Variants in ROR1 observed in about 807,000 individuals in gnomAD.
ROR1 encodes ROR family WNT receptor 1, also known as inactive tyrosine-protein kinase transmembrane receptor ROR1.
Under a neutral mutation model 78.8 loss-of-function variants are expected in ROR1, and 19 were observed. The observed-to-expected ratio is 0.24, with a 90% CI of 0.17 to 0.35. The LOEUF (loss-of-function observed/expected upper bound fraction) is 0.35, where lower values mean the gene tolerates loss of function less well. Ranked by LOEUF, ROR1 falls within the 10% of genes least tolerant of loss-of-function variation. The pLI, the probability that ROR1 is intolerant of heterozygous loss-of-function variation, is 1.00. For missense variants in ROR1, 917 were observed against 1,177.8 expected (o/e 0.78, Z 3.24); for synonymous variants, 386 against 433.6 (o/e 0.89, Z 1.36).
At chr1:64,101,638 A>T (rs1647548866) in intron 4 of ROR1, among the ~76,000 whole-genome samples, 1 of 151,708 alleles carries the variant, frequency 6.6e-6, no homozygotes, top group African/African-American at 2.4e-5. Flanking sequence ...TACATTCTTG[A>T]GGGGGAACCC....
intron 4 of ROR1, among the ~76,000 whole-genome samples, chr1:64,079,743 A>G (rs957114116): frequency 6.6e-6 from 1 of 152,096 alleles, no homozygotes; most frequent in Non-Finnish European, 1.5e-5. Flanking sequence ...CGGCCTCCCA[A>G]AGTGCTGGGA....
chr1:63,877,966 C>T (rs1416777913), intron 1 of ROR1, among the ~76,000 whole-genome samples: 1 of 152,160 alleles, frequency 6.6e-6, no homozygotes, highest in Non-Finnish European at 1.5e-5. Flanking sequence ...TTTTCTTAAC[C>T]TCAAGCCTGG....
chr1:63,795,758 G>T lies in ROR1; in HGVS notation c.91+21250G>T, dbSNP rs1347556813. ...ATGCAGGAACATAAAATATCTTGCC[G>T]CTACTGGAATAGCCTTATCTTCTGC... On this transcript the variant is annotated intron_variant, in intron 1 of 8. Transcript: ENST00000371079. 2.0e-5 allele frequency among the ~76,000 whole-genome samples: 3 copies of T among 152,238 alleles called. No individual in the cohort carries two copies. In the South Asian group the frequency reaches 6.2e-4, roughly 32 times the overall value.
At chr1:64,004,178 C>T (rs1438615242) in intron 1 of ROR1, among the ~76,000 whole-genome samples, 2 of 152,236 alleles carry the variant, frequency 1.3e-5, no homozygotes, top group Non-Finnish European at 1.5e-5. Flanking sequence ...AAGCCACTTC[C>T]CTACCAGGGG....
chr1:63,936,794 T>C (rs955948906), intron 1 of ROR1, among the ~76,000 whole-genome samples: 2 of 152,186 alleles, frequency 1.3e-5, no homozygotes, highest in South Asian at 4.1e-4. Flanking sequence ...TGAAGTTCTA[T>C]GTATAAGAGT....
intron 8 of ROR1, among the ~76,000 whole-genome samples, chr1:64,173,265 A>G (rs1650289899): frequency 6.6e-6 from 1 of 152,184 alleles, no homozygotes; most frequent in Non-Finnish European, 1.5e-5. Flanking sequence ...TTTAGTTTTC[A>G]GTAGCTCTAG....
intron 1 of ROR1, among the ~76,000 whole-genome samples, chr1:63,952,231 A>G (rs115455468): frequency 0.021 from 3,132 of 152,268 alleles, 54 homozygotes; most frequent in African/African-American, 0.045. Context: ...ATATGGGGGA[A>G]GAATACTCCA....
chr1:63,972,132 G>A (rs925370973), intron 1 of ROR1, among the ~76,000 whole-genome samples: 2 of 152,064 alleles, frequency 1.3e-5, no homozygotes, highest in East Asian at 1.9e-4. Flanking sequence ...CTATGCCTAC[G>A]TCTCATGCCT....
chr1:63,981,656 T>C (rs1484301966), intron 1 of ROR1, among the ~76,000 whole-genome samples: 1 of 152,106 alleles, frequency 6.6e-6, no homozygotes, highest in African/African-American at 2.4e-5. Context: ...TTGGCTGGGC[T>C]GGAAGGTTCA....
chr1:63,803,878 T>A (rs61765104), intron 1 of ROR1, among the ~76,000 whole-genome samples: 1,992 of 152,194 alleles, frequency 0.013, 22 homozygotes, highest in Non-Finnish European at 0.02. Flanking sequence ...TAAAAATAAA[T>A]GAACTGTCGA....
chr1:63,823,571 T>A (rs1041045333), intron 1 of ROR1, among the ~76,000 whole-genome samples: 15 of 151,596 alleles, frequency 9.9e-5, no homozygotes, highest in Non-Finnish European at 2.9e-5. Flanking sequence ...TGCCTCAGCT[T>A]CCTGAGTATC....
chr1:63,930,473 C>G (rs1365016134), intron 1 of ROR1, among the ~76,000 whole-genome samples: 1 of 152,158 alleles, frequency 6.6e-6, no homozygotes, highest in Non-Finnish European at 1.5e-5. Context: ...ATGAACCATC[C>G]TTGCATAAAA....
intron 1 of ROR1, among the ~76,000 whole-genome samples, chr1:63,873,461 G>A (rs547332421): frequency 4.1e-4 from 63 of 152,272 alleles, no homozygotes; most frequent in Non-Finnish European, 2.2e-4. Flanking sequence ...CCCAGAAGGA[G>A]TGAGCAGGCC....
chr1:63,848,348 A>G (rs1645094379), intron 1 of ROR1, among the ~76,000 whole-genome samples: 1 of 152,200 alleles, frequency 6.6e-6, no homozygotes, highest in South Asian at 2.1e-4. Flanking sequence ...AAGTGACTGC[A>G]ATAAGATCCT....
intron 1 of ROR1, among the ~76,000 whole-genome samples, chr1:63,786,783 G>A (rs759573521): frequency 1.6e-4 from 25 of 152,072 alleles, no homozygotes; most frequent in Non-Finnish European, 3.2e-4. Flanking sequence ...CAATTGATCT[G>A]AGTGCTGGTG....
chr1:63,875,889 G>T (rs1289812378), intron 1 of ROR1, among the ~76,000 whole-genome samples: 3 of 152,184 alleles, frequency 2.0e-5, no homozygotes, highest in Non-Finnish European at 4.4e-5. Context: ...GCAATCAGGT[G>T]AGTGACAAAG....
chr1:64,126,208 A>C (rs1648710887), intron 4 of ROR1, among the ~76,000 whole-genome samples: 1 of 152,158 alleles, frequency 6.6e-6, no homozygotes, highest in Non-Finnish European at 1.5e-5. Flanking sequence ...TATGTTCAGA[A>C]ACTATAAGCT....
intron 1 of ROR1, among the ~76,000 whole-genome samples, chr1:63,776,019 C>T (rs1644614468): frequency 6.6e-6 from 1 of 152,218 alleles, no homozygotes. Flanking sequence ...TAAAAATGGG[C>T]CATGCTGCCT....
intron 1 of ROR1, among the ~76,000 whole-genome samples, chr1:63,865,560 C>G (rs181450802): frequency 1.3e-5 from 2 of 151,818 alleles, no homozygotes; most frequent in Admixed American, 1.3e-4. Flanking sequence ...CCTTTTTTTT[C>G]CCATACAAGG....
Sources: allele counts gnomAD v4.1 joint callset (sites outside exome capture counted in the v4.1 genomes callset), GRCh38; gene constraint gnomAD v4.1.1; transcripts MANE v1.5; gene names NCBI Gene and HGNC (gene_info 2026-07-23, HGNC 2026-07-21).